C2CD2: variants seen among roughly 807,000 people sequenced by gnomAD.
C2CD2 encodes C2 calcium dependent domain containing 2, also known as C2 domain-containing protein 2.
C2CD2 carries 43 observed loss-of-function variants against 74.3 expected under a neutral mutation model. The observed-to-expected ratio is 0.58, with a 90% confidence interval of 0.45 to 0.75. The LOEUF is 0.75. C2CD2 is among the 30% of genes least tolerant of loss of function. The pLI, the probability that C2CD2 is intolerant of heterozygous loss-of-function variation, is 0.00. For missense variants in C2CD2, 801 were observed against 916.3 expected (o/e 0.87, Z 1.63); for synonymous variants, 422 against 390.7 (o/e 1.08, Z -0.94).
At chr21:41,907,359 G>A (rs1444230398) in intron 9 of C2CD2, among the ~76,000 whole-genome samples, 193 bp from the exon 10 acceptor site, 3 of 152,192 alleles carry the variant, frequency 2.0e-5, no homozygotes, top group African/African-American at 4.8e-5. Flanking sequence ...AGCTCAACAC[G>A]TAATGATGGC....
intron 6 of C2CD2, among the ~76,000 whole-genome samples, chr21:41,913,037 C>A (rs8134375): frequency 6.6e-6 from 1 of 152,020 alleles, no homozygotes; most frequent in Non-Finnish European, 1.5e-5. Context: ...AGCGTGGGCT[C>A]CCAGGGGGAC....
chr21:41,893,168 CT>C (rs985525592), intron 13 of C2CD2, among the ~76,000 whole-genome samples: 1 of 152,100 alleles, frequency 6.6e-6, no homozygotes, highest in Non-Finnish European at 1.5e-5. Flanking sequence ...AAAAATTAAA[CT>C]TTTTTTAAAA....
In C2CD2 at chr21:41,923,643, C is replaced by T. The variant is rs2065179088; in HGVS notation, c.379-1558G>A. Among the ~76,000 whole-genome samples, 1 of 152,146 alleles carries T rather than the reference C, an allele frequency of 6.6e-6. No individual in the cohort carries two copies. Among genetic ancestry groups the T allele is most frequent in the Non-Finnish European group, 1.5e-5 (1 of 68,030 alleles). Reference sequence around the variant, plus strand: ...TGAGCTCGTTGAAGAAACTGTCAGACAGAGAAAGATAATAACCTCAGGAAT... The same window carrying T: ...TGAGCTCGTTGAAGAAACTGTCAGATAGAGAAAGATAATAACCTCAGGAAT... On this transcript the variant is annotated intron_variant, in intron 2 of 13. Transcript: ENST00000380486. The surrounding 1 kb of genome is among the most constrained non-coding windows in gnomAD (Gnocchi z 5.8).
intron 1 of C2CD2, among the ~76,000 whole-genome samples, chr21:41,946,014 T>C (rs1171026333): frequency 6.6e-6 from 1 of 152,178 alleles, no homozygotes; most frequent in Non-Finnish European, 1.5e-5. Flanking sequence ...TGAGTCCATA[T>C]TGAGCTAAAC....
chr21:41,949,431 G>C (rs773437527), intron 1 of C2CD2, among the ~76,000 whole-genome samples: 22 of 152,140 alleles, frequency 1.4e-4, no homozygotes, highest in Non-Finnish European at 2.5e-4. Context: ...CACATCAATG[G>C]GAATTAGGGG....
Position 41,899,497 on chromosome 21 carries a change from A to G in C2CD2, c.1561-135T>C, listed in dbSNP as rs1881112684. ...CAGAAGATGCAGCCGTGGGCCTCAT[A>G]GAAGGCGCTTATACATCACGGCCGT... On this transcript the variant is annotated intron_variant, in intron 12 of 13. Transcript: ENST00000380486. This position sits in a 1 kb window ranked among gnomAD's most constrained non-coding sequence, Gnocchi z 4.4. 6.1e-6 allele frequency: 5 copies of G among 814,892 alleles called. No homozygotes were observed. The highest frequency in any genetic ancestry group is 9.5e-6 in the Non-Finnish European group (5 of 524,536). 50.5% of individuals were successfully genotyped at this position (814,892 alleles called of 1,614,324 possible).
chr21:41,889,003 G>A lies in C2CD2; in HGVS notation c.*121C>T. 1.3e-6 allele frequency: 1 copy of A among 745,776 alleles called. No homozygotes were observed. The highest frequency in any genetic ancestry group is 2.3e-6 in the Non-Finnish European group (1 of 435,110). 46.2% of individuals were successfully genotyped at this position (745,776 alleles called of 1,614,324 possible). On this transcript the variant is annotated 3_prime_UTR_variant, in exon 14 of 14. Coordinates refer to ENST00000380486, the MANE Select transcript of C2CD2 (RefSeq NM_015500.2). ...TTTCCCTTTAAATGACGAGATGGTT[G>A]GAAGAAACCCAGCAAGACAAGCGGG...
In C2CD2 at chr21:41,891,343, C is replaced by T. The variant is rs78230765; in HGVS notation, c.1871-1999G>A. The stretch of plus-strand genomic sequence containing the variant: ...CACGTCCCTGAAAAATGCAGCACAT[C>T]GTGAAAAACCAGCCATCAGCAGGGT... On this transcript the variant is annotated intron_variant, in intron 13 of 13. Coordinates refer to ENST00000380486, the MANE Select transcript of C2CD2 (RefSeq NM_015500.2). Among the ~76,000 whole-genome samples the T allele has an allele frequency of 6.6e-4, 100 of 152,322 alleles. 1 individual carries two copies. The East Asian group carries it at 0.017, about 26-fold the overall frequency.
chr21:41,890,388 C>T (rs575281462), intron 13 of C2CD2, among the ~76,000 whole-genome samples: 1 of 152,298 alleles, frequency 6.6e-6, no homozygotes, highest in Admixed American at 6.5e-5. Flanking sequence ...TTAGCAGCAG[C>T]AGCAACAATA....
chr21:41,922,812 G>T (rs903548550), intron 2 of C2CD2, among the ~76,000 whole-genome samples: 2 of 152,126 alleles, frequency 1.3e-5, no homozygotes, highest in Non-Finnish European at 2.9e-5. Flanking sequence ...GACTTTATAT[G>T]TTAGCAAGGA....
In C2CD2 at chr21:41,942,208, T is replaced by TA; in HGVS notation, c.316_317insT (p.Gln106LeufsTer74). 1.9e-6 allele frequency: 3 copies of TA among 1,549,570 alleles called. No individual in the cohort carries two copies. Among genetic ancestry groups the TA allele is most frequent in the Non-Finnish European group, 1.7e-6 (2 of 1,146,812 alleles). On this transcript the variant is annotated frameshift_variant, in exon 2 of 14. Transcript: ENST00000380486. LOFTEE classifies it high-confidence loss of function. ...CTGCACCACCAGCTCCAGTGCCTGC[T>TA]GCCGCGGGTCCTCCTCAAAGGACAG...
intron 5 of C2CD2, among the ~76,000 whole-genome samples, chr21:41,915,121 T>C (rs955432492): frequency 6.6e-6 from 1 of 152,170 alleles, no homozygotes; most frequent in African/African-American, 2.4e-5. Context: ...ACTCATGGCC[T>C]GCTAGTACAG....
chr21:41,941,795 G>A (rs142928620), intron 2 of C2CD2, among the ~76,000 whole-genome samples: 46 of 152,214 alleles, frequency 3.0e-4, no homozygotes, highest in East Asian at 2.1e-3. Context: ...TTGGCAACAC[G>A]AATCTCCTTT....
rs1236091627 is a variant in C2CD2 at position 41,914,581 on chromosome 21, C to T, written c.844+17G>A. The T allele has an allele frequency of 1.2e-6, 2 of 1,611,154 alleles. No homozygotes were observed. The highest frequency in any genetic ancestry group is 2.2e-5 in the East Asian group (1 of 44,842). On this transcript the variant is annotated intron_variant, in intron 6 of 13. Transcript: ENST00000380486. Reference sequence around the variant, plus strand: ...GGAAGAGCCCCTCCAGGCAGGCAGGCTCCCATCGTCACCCACCTGAGGCAC... The same window carrying T: ...GGAAGAGCCCCTCCAGGCAGGCAGGTTCCCATCGTCACCCACCTGAGGCAC...
intron 1 of C2CD2, among the ~76,000 whole-genome samples, chr21:41,949,539 G>A (rs899244494): frequency 6.6e-6 from 1 of 152,196 alleles, no homozygotes; most frequent in Admixed American, 6.5e-5. Context: ...TACACTGTTG[G>A]TGGGAGTGTA....
intron 11 of C2CD2, among the ~76,000 whole-genome samples, chr21:41,904,897 C>T (rs534523573): frequency 3.3e-5 from 5 of 151,458 alleles, no homozygotes; most frequent in South Asian, 2.1e-4. Flanking sequence ...ATTTAGATTG[C>T]GCAGTGATTT....
chr21:41,916,535 C>T (rs1036741720), intron 5 of C2CD2, among the ~76,000 whole-genome samples: 2 of 152,016 alleles, frequency 1.3e-5, no homozygotes, highest in Non-Finnish European at 2.9e-5. Context: ...CTGGAATGTA[C>T]GTCACGGGCT....
chr21:41,887,721 T>A lies in C2CD2; in HGVS notation c.*1403A>T, dbSNP rs527636772. 27 of 152,316 alleles carry A rather than the reference T, an allele frequency of 1.8e-4. No individual in the cohort carries two copies. Among genetic ancestry groups the A allele is most frequent in the Non-Finnish European group, 3.4e-4 (23 of 68,030 alleles). 9.4% of individuals were successfully genotyped at this position (152,316 alleles called of 1,614,324 possible). ...TCTATTACCCCCGAAATATTTAATG[T>A]TTAAGGATTAACAAGAGGCTACGGA... On this transcript the variant is annotated 3_prime_UTR_variant, in exon 14 of 14. Coordinates refer to ENST00000380486, the MANE Select transcript of C2CD2 (RefSeq NM_015500.2).
At chr21:41,953,088 G>A (rs1037155019) in intron 1 of C2CD2, 1 of 365,336 alleles carries the variant, frequency 2.7e-6, no homozygotes, top group Non-Finnish European at 4.9e-6. Context: ...TGGCGCGGAT[G>A]AGCACTTCTG....
Sources: allele counts gnomAD v4.1 joint callset (sites outside exome capture counted in the v4.1 genomes callset), GRCh38; gene constraint gnomAD v4.1.1; non-coding constraint Gnocchi (gnomAD v3.1); transcripts MANE v1.5; gene names NCBI Gene and HGNC (gene_info 2026-07-23, HGNC 2026-07-21).